TMEM67: variants seen among roughly 807,000 people sequenced by gnomAD.
TMEM67 encodes the protein meckelin.
TMEM67 carries 124 observed loss-of-function variants against 136.6 expected under a neutral mutation model. That is an observed-to-expected ratio of 0.91 (90% CI 0.78 to 1.05). The LOEUF is 1.05. Ranked by LOEUF, TMEM67 falls within the 50% of genes least tolerant of loss-of-function variation. TMEM67 has a pLI of 0.00. For synonymous variants in TMEM67, 364 were observed against 390.5 expected, an observed-to-expected ratio of 0.93 and a Z score of 0.80; for missense variants, 1,107 against 1,178.4, an observed-to-expected ratio of 0.94 and a Z score of 0.89.
In TMEM67 at chr8:93,809,861, C is replaced by A. The variant is rs751039615; in HGVS notation, c.2738C>A (p.Pro913Gln). The A allele has an allele frequency of 1.2e-6, 2 of 1,606,420 alleles. No homozygotes were observed. The highest frequency in any genetic ancestry group is 1.7e-6 in the Non-Finnish European group (2 of 1,174,158). The change falls in exon 26 of 28, where the codon CCA becomes CAA. Residue 913 changes from proline (P) to glutamine (Q), a missense_variant. Pro to Gln is a moderately conservative substitution (Grantham distance 76). Transcript: ENST00000453321. ...ERILGMEFME[P>Q]MEKSIFYNDE... ...ATTCTTGGAATGGAATTCATGGAAC[C>A]AATGGAAAAAAGCATCTTTTACAAT...
intron 16 of TMEM67, 111 bp from the exon 17 acceptor site, chr8:93,795,298 A>G: frequency 3.3e-6 from 3 of 905,118 alleles, no homozygotes; most frequent in South Asian, 2.7e-5. Context: ...ATGTGAAACA[A>G]GGCTTCAGGC....
At chr8:93,758,833 G>A (rs923669669) in intron 3 of TMEM67, 6 of 410,896 alleles carry the variant, frequency 1.5e-5, no homozygotes, top group Middle Eastern at 7.2e-4. Flanking sequence ...TCCTGGCCTC[G>A]AGAGATCTTC....
At chr8:93,826,238 T>C in the TMEM67 span, among the ~76,000 whole-genome samples, 8 of 145,334 alleles carry the variant, frequency 5.5e-5, no homozygotes, top group Non-Finnish European at 1.2e-4. Context: ...CACGCCATTC[T>C]CCTGCCTCAG....
intron 16 of TMEM67, chr8:93,795,092 G>T: frequency 5.3e-6 from 2 of 375,818 alleles, no homozygotes. Context: ...ACTAACTCTG[G>T]TGGTAGTGTG....
At chr8:93,815,508 T>A in intron 27 of TMEM67, 61 bp downstream of exon 27, 1 of 1,462,980 alleles carries the variant, frequency 6.8e-7, no homozygotes, top group Non-Finnish European at 9.5e-7. Context: ...ATGTTAGAAG[T>A]AGATATTTTC....
downstream of TMEM67, chr8:93,818,134 CT>C (rs1369113017): frequency 6.6e-6 from 1 of 152,124 alleles, no homozygotes; most frequent in African/African-American, 2.4e-5. Flanking sequence ...CTGTCGACTC[CT>C]TTGTTCACAT....
rs1295836042 is a variant in TMEM67 at position 93,782,418 on chromosome 8, G to C, written c.1089G>C (p.Arg363Ser). The C allele has an allele frequency of 1.2e-6, 2 of 1,613,082 alleles. No homozygotes were observed. The highest frequency in any genetic ancestry group is 2.2e-5 in the East Asian group (1 of 44,832). ...VLQLCPDTET[R>S]LNAAYSFGTT... Reference sequence around the variant, plus strand: ...AGCTTTGTCCAGACACAGAGACAAGGCTAAATGCTGCTTATTCATTTGGAA... The same window carrying C: ...AGCTTTGTCCAGACACAGAGACAAGCCTAAATGCTGCTTATTCATTTGGAA... The change falls in exon 11 of 28, where the codon AGG (arginine) becomes AGC (serine). Residue 363 changes from arginine to serine, a missense_variant. Coordinates refer to ENST00000453321, the MANE Select transcript of TMEM67 (RefSeq NM_153704.6).
downstream of TMEM67, among the ~76,000 whole-genome samples, chr8:93,822,769 A>G (rs1470133013): frequency 6.6e-6 from 1 of 152,208 alleles, no homozygotes; most frequent in African/African-American, 2.4e-5. Flanking sequence ...AATAAAGATG[A>G]TATACTTTCA....
rs773015357 is a variant in TMEM67 at position 93,793,312 on chromosome 8, T to C, written c.1674+16T>C. On this transcript the variant is annotated intron_variant, in intron 16 of 27. Transcript: ENST00000453321. The stretch of plus-strand genomic sequence containing the variant: ...TGATTTACAGGTATAATCTCAGGAG[T>C]TTTTTAAGAATATTTTTATCTTTTG... The C allele has an allele frequency of 6.3e-7, 1 of 1,585,586 alleles. No homozygotes were observed. The highest frequency in any genetic ancestry group is 1.7e-4 in the Middle Eastern group (1 of 5,998).
At position 93,768,721 on chromosome 8, in the gene TMEM67, G is replaced by A. The variant is rs375732731; in HGVS notation, c.651+3075G>A. On this transcript the variant is annotated intron_variant, in intron 6 of 27. Coordinates refer to ENST00000453321, the MANE Select transcript of TMEM67 (RefSeq NM_153704.6). Reference sequence around the variant, plus strand: ...GATAAGTTTTAAGTATCTTCTCCAGGGGTGAGGAATCTGGGGTTCATTATC... The same window carrying A: ...GATAAGTTTTAAGTATCTTCTCCAGAGGTGAGGAATCTGGGGTTCATTATC... Among the ~76,000 whole-genome samples, 9 of 152,048 alleles carry A rather than the reference G, an allele frequency of 5.9e-5. No individual in the cohort carries two copies. The South Asian group carries it at 1.7e-3, about 28-fold the overall frequency.
At chr8:93,788,368 G>C (rs1010307751) in intron 14 of TMEM67, among the ~76,000 whole-genome samples, 2 of 152,130 alleles carry the variant, frequency 1.3e-5, no homozygotes, top group African/African-American at 2.4e-5. Flanking sequence ...TTCGAGACCA[G>C]CCTGACCACC....
rs1403926619 is a variant in TMEM67, at chr8:93,758,500, T to C, written c.330T>C (p.Asp110=). 1.9e-6 allele frequency: 3 copies of C among 1,613,454 alleles called. No individual in the cohort carries two copies. The highest frequency in any genetic ancestry group is 1.3e-5 in the African/African-American group (1 of 74,924). ...TAATTTAGAAAGGTGTTACAGAAGA[T>C]GGCTGGAACTGCATTTCTTGCCCTA... is the stretch of plus-strand genomic sequence containing the variant. ...CPENMKGVTE[D]GWNCISCPSD... Residue 110 remains aspartate (D), a synonymous_variant, in exon 3 of 28, where the codon GAT becomes GAC. Transcript: ENST00000453321.
intron 3 of TMEM67, chr8:93,759,977 C>T (rs866711443): frequency 6.5e-7 from 1 of 1,527,412 alleles, no homozygotes; most frequent in Non-Finnish European, 8.8e-7. Context: ...GAATGTACAA[C>T]ATAATTGAAG....
chr8:93,774,582 C>G (rs1282733533), intron 7 of TMEM67, among the ~76,000 whole-genome samples: 1 of 152,090 alleles, frequency 6.6e-6, no homozygotes, highest in African/African-American at 2.4e-5. Flanking sequence ...TCGTTGAATT[C>G]CCACCTATGA....
intron 21 of TMEM67, 113 bp downstream of exon 21, chr8:93,799,871 G>C: frequency 1.3e-6 from 1 of 766,122 alleles, no homozygotes; most frequent in Non-Finnish European, 2.2e-6. Flanking sequence ...GTAGCAGAAA[G>C]AAGGTGACAA....
At chr8:93,803,524 C>T in intron 21 of TMEM67, 80 bp from the exon 22 acceptor site, 2 of 914,162 alleles carry the variant, frequency 2.2e-6, no homozygotes, top group Admixed American at 3.9e-5. Context: ...ACTTTTTTTT[C>T]TTAAGATGCT....
chr8:93,809,994 C>T (rs1164884736), intron 26 of TMEM67, 107 bp downstream of exon 26: 99 of 655,354 alleles, frequency 1.5e-4, no homozygotes, highest in Non-Finnish European at 2.2e-4. Flanking sequence ...TTTTAGACGG[C>T]GTCTTGCTCT....
intron 3 of TMEM67, chr8:93,759,531 C>T (rs183505860): frequency 2.0e-5 from 3 of 149,776 alleles, no homozygotes; most frequent in Admixed American, 6.6e-5. Flanking sequence ...GTTTAAAACA[C>T]CCAACAGAAT....
chr8:93,802,697 G>A (rs762443590), intron 21 of TMEM67, among the ~76,000 whole-genome samples: 1 of 152,086 alleles, frequency 6.6e-6, no homozygotes, highest in Non-Finnish European at 1.5e-5. Context: ...GCTTTTAAGT[G>A]GTGTCTTTTA....
Sources: gnomAD v4.1 joint callset for allele counts (sites outside exome capture counted in the v4.1 genomes callset) on GRCh38, gnomAD v4.1.1 for gene constraint, MANE v1.5 for transcripts, NCBI Gene and HGNC (gene_info 2026-07-23, HGNC 2026-07-21) for gene names.